The following NIBAN1 variants were observed in gnomAD, a reference collection of about 807,000 sequenced individuals.
NIBAN1 encodes the protein niban apoptosis regulator 1, also known as protein Niban 1.
In NIBAN1, 81 loss-of-function variants were observed where a neutral mutation model predicts 75.1. That is an observed-to-expected ratio of 1.08 (90% CI 0.90 to 1.30). NIBAN1 has a LOEUF of 1.30. Ranked by LOEUF, NIBAN1 falls within the 50% of genes most tolerant of loss-of-function variation. The pLI is 0.00. For synonymous variants in NIBAN1, 436 were observed against 424.8 expected (o/e 1.03, Z -0.32); for missense variants, 1,133 against 1,128.1 (o/e 1.00, Z -0.06).
chr1:184,810,862 G>A (rs913778703), intron 9 of NIBAN1, among the ~76,000 whole-genome samples: 2 of 152,166 alleles, frequency 1.3e-5, no homozygotes. Flanking sequence ...TTATCAGATG[G>A]TGTCAGAAGC....
intron 5 of NIBAN1, among the ~76,000 whole-genome samples, chr1:184,877,918 T>C (rs1269696336): frequency 6.6e-6 from 1 of 152,198 alleles, no homozygotes; most frequent in African/African-American, 2.4e-5. Flanking sequence ...ACAATTTTTT[T>C]TTTTTGCTTA....
chr1:184,915,631 G>T (rs1557912894), intron 1 of NIBAN1, among the ~76,000 whole-genome samples: 1 of 152,166 alleles, frequency 6.6e-6, no homozygotes, highest in Non-Finnish European at 1.5e-5. Context: ...TTGAAGGATG[G>T]ATGGCCTCGG....
chr1:184,834,229 G>A (rs1160775148), intron 5 of NIBAN1, among the ~76,000 whole-genome samples: 1 of 152,162 alleles, frequency 6.6e-6, no homozygotes, highest in Non-Finnish European at 1.5e-5. Flanking sequence ...TGGTGTATAT[G>A]TGCCACATTT....
At chr1:184,819,796 C>G (rs1654643657) in intron 8 of NIBAN1, among the ~76,000 whole-genome samples, 1 of 152,176 alleles carries the variant, frequency 6.6e-6, no homozygotes, top group Admixed American at 6.5e-5. Flanking sequence ...AAAAATGAGG[C>G]CTGGAGATGT....
chr1:184,944,408 G>A (rs183528282), intron 1 of NIBAN1, among the ~76,000 whole-genome samples: 38 of 152,346 alleles, frequency 2.5e-4, no homozygotes, highest in Admixed American at 2.5e-3. Flanking sequence ...CAGCCACACA[G>A]GTGGCGTTCT....
At chr1:184,827,848 T>A (rs1443066340) in intron 6 of NIBAN1, among the ~76,000 whole-genome samples, 2 of 151,276 alleles carry the variant, frequency 1.3e-5, no homozygotes, top group Non-Finnish European at 2.9e-5. Flanking sequence ...CATTACTGAG[T>A]GGCCGTGGGT....
chr1:184,805,883 T>C, intron 11 of NIBAN1, 63 bp downstream of exon 11: 1 of 1,345,892 alleles, frequency 7.4e-7, no homozygotes, highest in East Asian at 2.3e-5. Context: ...TTTTCCACTT[T>C]ACAAAAGAAA....
chr1:184,915,210 A>G (rs1232938487), intron 1 of NIBAN1, among the ~76,000 whole-genome samples: 3 of 152,208 alleles, frequency 2.0e-5, no homozygotes, highest in Non-Finnish European at 4.4e-5. Context: ...TCCATTCCCT[A>G]CCTCAGACCT....
At chr1:184,935,790 G>GTTT (rs11436535) in intron 1 of NIBAN1, among the ~76,000 whole-genome samples, 12 of 143,272 alleles carry the variant, frequency 8.4e-5, no homozygotes, top group Admixed American at 6.3e-4. Context: ...AAGAGTTAGG[G>GTTT]TTTTTTTTTT....
Position 184,792,190 on chromosome 1 carries a change from C to T in NIBAN1, c.*2787G>A, listed in dbSNP as rs1653716300. The T allele has an allele frequency of 6.6e-6, 1 of 152,236 alleles. No homozygotes were observed. Among genetic ancestry groups the T allele is most frequent in the South Asian group, 2.1e-4 (1 of 4,830 alleles). The allele number at this position is 152,236 out of a possible 1,614,324, so 9.4% of individuals were successfully genotyped here. A position where few individuals can be genotyped will look rare whatever the true frequency, so the allele number is the denominator to read the frequency against. On this transcript the variant is annotated 3_prime_UTR_variant, in exon 14 of 14. Coordinates refer to ENST00000367511, the MANE Select transcript of NIBAN1 (RefSeq NM_052966.4). ...TCCTGGGCTCAAGTGACCCTCTCAC[C>T]TCAGCCTCCCAAAGTGCTGGGATTA...
At chr1:184,827,560 G>GGTTTTTTTTT (rs539667832) in intron 6 of NIBAN1, among the ~76,000 whole-genome samples, 1 of 117,682 alleles carries the variant, frequency 8.5e-6, no homozygotes, top group African/African-American at 3.8e-5. Context: ...AAATACTTCA[G>GGTTTTTTTTT]TTTTTTTTTT....
At chr1:184,894,005 G>A in intron 3 of NIBAN1, 70 bp downstream of exon 3, 1 of 1,475,188 alleles carries the variant, frequency 6.8e-7, no homozygotes, top group Non-Finnish European at 9.0e-7. Context: ...GAAGGAGAGG[G>A]CACACCAATC....
At chr1:184,877,611 G>A (rs1326996348) in intron 5 of NIBAN1, among the ~76,000 whole-genome samples, 3 of 152,108 alleles carry the variant, frequency 2.0e-5, no homozygotes, top group African/African-American at 7.2e-5. Flanking sequence ...CAACAGATGA[G>A]AATTTTATCC....
At chr1:184,870,844 A>C (rs1407166060) in intron 5 of NIBAN1, among the ~76,000 whole-genome samples, 1 of 152,226 alleles carries the variant, frequency 6.6e-6, no homozygotes, top group Non-Finnish European at 1.5e-5. Context: ...GTTCTTTTGA[A>C]TACCTCAATG....
At chr1:184,909,991 A>C (rs1287199311) in intron 1 of NIBAN1, among the ~76,000 whole-genome samples, 1 of 152,170 alleles carries the variant, frequency 6.6e-6, no homozygotes, top group Non-Finnish European at 1.5e-5. Context: ...CCACCTGAAA[A>C]TCCAATAGTA....
chr1:184,845,154 C>G (rs572470110), intron 5 of NIBAN1, among the ~76,000 whole-genome samples: 1 of 152,248 alleles, frequency 6.6e-6, no homozygotes, highest in African/African-American at 2.4e-5. Context: ...TTGGGGTGGC[C>G]AAAGGCCTGG....
intron 5 of NIBAN1, among the ~76,000 whole-genome samples, chr1:184,879,850 G>A (rs1656332194): frequency 6.6e-6 from 1 of 152,200 alleles, no homozygotes; most frequent in South Asian, 2.1e-4. Flanking sequence ...TACAAGCAAT[G>A]TTGGATGTTA....
At chr1:184,876,723 T>G (rs1656243906) in intron 5 of NIBAN1, among the ~76,000 whole-genome samples, 1 of 151,864 alleles carries the variant, frequency 6.6e-6, no homozygotes, top group Non-Finnish European at 1.5e-5. Flanking sequence ...TGAATAATCC[T>G]GTAACATTTT....
intron 5 of NIBAN1, among the ~76,000 whole-genome samples, chr1:184,837,586 C>T (rs1054621792): frequency 6.6e-6 from 1 of 152,090 alleles, no homozygotes; most frequent in Non-Finnish European, 1.5e-5. Context: ...GGTCACCTAC[C>T]CCAAGCTCTC....
Sources: gnomAD v4.1 joint callset for allele counts (sites outside exome capture counted in the v4.1 genomes callset) on GRCh38, gnomAD v4.1.1 for gene constraint, MANE v1.5 for transcripts, NCBI Gene and HGNC (gene_info 2026-07-23, HGNC 2026-07-21) for gene names.